The following APCDD1L variants were observed in gnomAD, a reference collection of about 807,000 sequenced individuals.
APCDD1L encodes protein APCDD1-like.
APCDD1L carries 21 observed loss-of-function variants against 24.2 expected under a neutral mutation model. That is an observed-to-expected ratio of 0.87 (90% confidence interval 0.61 to 1.25). APCDD1L has a LOEUF of 1.25. Ranked by LOEUF, APCDD1L falls within the 50% of genes most tolerant of loss-of-function variation. APCDD1L has a pLI of 0.00. For missense variants in APCDD1L, 704 were observed against 711.7 expected, an observed-to-expected ratio of 0.99 and a Z score of 0.12; for synonymous variants, 321 against 323.6, an observed-to-expected ratio of 0.99 and a Z score of 0.09.
chr20:58,493,444 C>G (rs2123173094), intron 1 of APCDD1L, among the ~76,000 whole-genome samples: 1 of 152,296 alleles, frequency 6.6e-6, no homozygotes, highest in African/African-American at 2.4e-5. Context: ...AAGCTAGAGA[C>G]AAACGAGATG....
intron 1 of APCDD1L, among the ~76,000 whole-genome samples, chr20:58,478,203 ATT>A (rs955193440): frequency 6.6e-6 from 1 of 151,880 alleles, no homozygotes; most frequent in Admixed American, 6.6e-5. Context: ...TTCCAGGATC[ATT>A]TTGTATTTTT....
At chr20:58,481,237 T>C (rs996077475) in intron 1 of APCDD1L, among the ~76,000 whole-genome samples, 1 of 152,220 alleles carries the variant, frequency 6.6e-6, no homozygotes, top group Non-Finnish European at 1.5e-5. Flanking sequence ...GAGTCTCCCG[T>C]TGGACTGAAC....
intron 1 of APCDD1L, among the ~76,000 whole-genome samples, chr20:58,482,544 G>A (rs546817837): frequency 3.9e-5 from 6 of 152,182 alleles, no homozygotes; most frequent in African/African-American, 9.6e-5. Context: ...TCGGAAGAGC[G>A]CACGTAGCTC....
rs570535372 is a variant in APCDD1L, at chr20:58,512,507, C to T, written c.49+2152G>A. ...AATGCACAGGACGGGCCCCTCATCCCCAACAAAGAATCCTCTGGTGCCAAA... is the reference window on the plus strand; with the variant it reads ...AATGCACAGGACGGGCCCCTCATCCTCAACAAAGAATCCTCTGGTGCCAAA... On this transcript the variant is annotated intron_variant, in intron 1 of 3. Transcript: ENST00000371149. Among the ~76,000 whole-genome samples the T allele has an allele frequency of 5.9e-5, 9 of 152,212 alleles. No individual in the cohort carries two copies. The South Asian group carries it at 1.0e-3, about 18-fold the overall frequency.
In APCDD1L at chr20:58,467,661, G is replaced by T. The variant is rs754701952; in HGVS notation, c.189-3C>A. On this transcript the variant is annotated splice_polypyrimidine_tract_variant and splice_region_variant and intron_variant, in intron 2 of 3. Coordinates refer to ENST00000371149, the MANE Select transcript of APCDD1L (RefSeq NM_153360.3). This position sits in a 1 kb window ranked among gnomAD's most constrained non-coding sequence, Gnocchi z 5.9. ...CCGGTCCTGGGCGCACCTCGCAGCT[G>T]CAGGGGTGGAAGGAGATGGGCTGGG... The T allele has an allele frequency of 6.7e-7, 1 of 1,490,810 alleles. No individual in the cohort carries two copies. Among genetic ancestry groups the T allele is most frequent in the Non-Finnish European group, 9.0e-7 (1 of 1,116,492 alleles). 92.3% of individuals were successfully genotyped at this position (1,490,810 alleles called of 1,614,324 possible). A position where few individuals can be genotyped will look rare whatever the true frequency, so the allele number is the denominator to read the frequency against.
chr20:58,499,773 C>T (rs1367811999), intron 1 of APCDD1L, among the ~76,000 whole-genome samples: 3 of 152,232 alleles, frequency 2.0e-5, no homozygotes, highest in African/African-American at 4.8e-5. Context: ...AAACACCCCA[C>T]CCATCCCTGT....
At chr20:58,470,976 T>C (rs1325718414) in intron 1 of APCDD1L, among the ~76,000 whole-genome samples, 1 of 152,170 alleles carries the variant, frequency 6.6e-6, no homozygotes, top group Non-Finnish European at 1.5e-5. Flanking sequence ...TTCCCAGATG[T>C]GATCACCCTA....
chr20:58,470,359 C>T (rs1377149521), intron 2 of APCDD1L, among the ~76,000 whole-genome samples: 1 of 152,204 alleles, frequency 6.6e-6, no homozygotes, highest in Admixed American at 6.5e-5. Context: ...TGGCACTTAG[C>T]TCGTAATAGG....
At chr20:58,485,647 C>G (rs1990106258) in intron 1 of APCDD1L, among the ~76,000 whole-genome samples, 1 of 152,234 alleles carries the variant, frequency 6.6e-6, no homozygotes, top group South Asian at 2.1e-4. Context: ...GTTTCCCTGG[C>G]ACTCACTCTG....
At chr20:58,506,125 T>A (rs1033295774) in intron 1 of APCDD1L, among the ~76,000 whole-genome samples, 16 of 151,928 alleles carry the variant, frequency 1.1e-4, no homozygotes, top group African/African-American at 3.9e-4. Flanking sequence ...AATCCCCACT[T>A]CCCAGAAACA....
At chr20:58,469,517 T>C (rs1031428493) in intron 2 of APCDD1L, among the ~76,000 whole-genome samples, 5 of 152,114 alleles carry the variant, frequency 3.3e-5, no homozygotes, top group African/African-American at 1.2e-4. Flanking sequence ...AGAAATTTCT[T>C]AAAAGAACTG....
At chr20:58,509,766 C>G (rs1990593146) in intron 1 of APCDD1L, among the ~76,000 whole-genome samples, 1 of 152,242 alleles carries the variant, frequency 6.6e-6, no homozygotes, top group Admixed American at 6.5e-5. Context: ...GCCAGTGCTA[C>G]TCGCATCATC....
At chr20:58,462,892 C>T (rs1160847871) in intron 3 of APCDD1L, among the ~76,000 whole-genome samples, 2 of 150,760 alleles carry the variant, frequency 1.3e-5, no homozygotes. Flanking sequence ...GCCTGTAATC[C>T]CAGCACTTTG....
chr20:58,498,115 A>G lies in APCDD1L; in HGVS notation c.49+16544T>C, dbSNP rs370344827. Among the ~76,000 whole-genome samples the G allele has an allele frequency of 1.5e-4, 23 of 152,356 alleles. 1 individual carries two copies. The South Asian group carries it at 4.8e-3, about 32-fold the overall frequency. On this transcript the variant is annotated intron_variant, in intron 1 of 3. Transcript: ENST00000371149. ...AGACTGAGGCGTTTTCATGCTAACT[A>G]TGGCGTTCTTTGTCTCATTTGCAAT...
At chr20:58,493,546 C>G (rs910555052) in intron 1 of APCDD1L, among the ~76,000 whole-genome samples, 19 of 152,296 alleles carry the variant, frequency 1.2e-4, no homozygotes, top group South Asian at 2.1e-4. Context: ...ACAGCCACAC[C>G]TAATAGTGTG....
At position 58,514,862 on chromosome 20, in the gene APCDD1L, C is replaced by G. The variant is rs1404690801; in HGVS notation, c.-155G>C. On this transcript the variant is annotated 5_prime_UTR_variant, in exon 1 of 4. Transcript: ENST00000371149. ...TCCTGCGCCCCCCTCGGCGCTCACA[C>G]GCGCTCAGCCTTCCCGGCTGTTGAT... is the stretch of plus-strand genomic sequence containing the variant. The G allele has an allele frequency of 2.1e-6, 1 of 473,132 alleles. No homozygotes were observed. Among genetic ancestry groups the G allele is most frequent in the Non-Finnish European group, 3.4e-6 (1 of 293,534 alleles). The allele number at this position is 473,132 out of a possible 1,614,324, so 29.3% of individuals were successfully genotyped here.
chr20:58,503,698 G>A (rs1990483699), intron 1 of APCDD1L, among the ~76,000 whole-genome samples: 1 of 152,168 alleles, frequency 6.6e-6, no homozygotes, highest in African/African-American at 2.4e-5. Context: ...GAAAAACAGG[G>A]GTGTACAGCA....
rs898716905 is a variant in APCDD1L, at chr20:58,459,206, A to C, written c.*1584T>G. 2 of 152,234 alleles carry C rather than the reference A, an allele frequency of 1.3e-5. No homozygotes were observed. Among genetic ancestry groups the C allele is most frequent in the Non-Finnish European group, 2.9e-5 (2 of 68,054 alleles). 9.4% of individuals were successfully genotyped at this position (152,234 alleles called of 1,614,324 possible). A position where few individuals can be genotyped will look rare whatever the true frequency, so the allele number is the denominator to read the frequency against. ...AGACCTGCTCAGCCGTGGACATATC[A>C]TCGACACCCACTGCCATCCCCACCA... On this transcript the variant is annotated 3_prime_UTR_variant, in exon 4 of 4. Coordinates refer to ENST00000371149, the MANE Select transcript of APCDD1L (RefSeq NM_153360.3).
intron 1 of APCDD1L, among the ~76,000 whole-genome samples, chr20:58,485,143 TACACACACAC>T (rs3069429): frequency 3.3e-5 from 5 of 149,600 alleles, no homozygotes; most frequent in Admixed American, 1.3e-4. Flanking sequence ...TAGGTTGTGG[TACACACACAC>T]ACACACACAC....
Sources: allele counts gnomAD v4.1 joint callset (sites outside exome capture counted in the v4.1 genomes callset), GRCh38; gene constraint gnomAD v4.1.1; non-coding constraint Gnocchi (gnomAD v3.1); transcripts MANE v1.5; gene names NCBI Gene and HGNC (gene_info 2026-07-23, HGNC 2026-07-21).